The following C12orf42 variants were observed in gnomAD, a reference collection of about 807,000 sequenced individuals.
C12orf42 encodes uncharacterized protein C12orf42.
Under a neutral mutation model 21.6 loss-of-function variants are expected in C12orf42, and 25 were observed. The ratio of observed to expected loss-of-function variants is 1.16; its 90% confidence interval spans 0.84 to 1.62. The LOEUF is 1.62. Among genes scored for constraint, C12orf42 ranks in the 40% most tolerant of loss-of-function variants. The probability of loss-of-function intolerance (pLI) is 0.00; values close to 1 mark genes in which losing one functional copy is unlikely to be tolerated. For synonymous variants in C12orf42, 174 were observed against 175.0 expected (o/e 0.99, Z 0.05); for missense variants, 483 against 459.3 (o/e 1.05, Z -0.47).
the C12orf42 span, among the ~76,000 whole-genome samples, chr12:103,200,699 A>C: frequency 6.6e-6 from 1 of 152,232 alleles, no homozygotes; most frequent in Admixed American, 6.5e-5. Context: ...AAGTATAATT[A>C]GTTTTGTATG....
chr12:103,166,044 AAAAAAGAAAG>A, the C12orf42 span, among the ~76,000 whole-genome samples: 79 of 147,372 alleles, frequency 5.4e-4, no homozygotes, highest in African/African-American at 2.0e-3. Context: ...CGTCTCAAAA[AAAAAAGAAAG>A]AAAAAAGAAA....
the C12orf42 span, among the ~76,000 whole-genome samples, chr12:103,100,374 C>T: frequency 6.6e-6 from 1 of 152,230 alleles, no homozygotes; most frequent in Non-Finnish European, 1.5e-5. Flanking sequence ...GGATGGCGGG[C>T]TCCTGCCGAC....
At chr12:103,246,457 T>C (rs1411642668) in intron 10 of C12orf42, among the ~76,000 whole-genome samples, 1 of 152,056 alleles carries the variant, frequency 6.6e-6, no homozygotes, top group Non-Finnish European at 1.5e-5. Flanking sequence ...TTTGGAAGAA[T>C]ACCAAAATAT....
chr12:103,316,549 T>C (rs2039514884), intron 4 of C12orf42, among the ~76,000 whole-genome samples: 1 of 152,186 alleles, frequency 6.6e-6, no homozygotes, highest in South Asian at 2.1e-4. Context: ...AATCTTTTTT[T>C]GTCTCATTCT....
downstream of C12orf42, chr12:103,268,446 G>A (rs1328327343): frequency 6.6e-6 from 1 of 151,366 alleles, no homozygotes; most frequent in African/African-American, 2.4e-5. Flanking sequence ...ATTTTTCCCC[G>A]ACAGTGACCT....
intron 4 of C12orf42, among the ~76,000 whole-genome samples, chr12:103,363,910 C>T (rs1324526030): frequency 6.6e-6 from 1 of 152,064 alleles, no homozygotes; most frequent in Non-Finnish European, 1.5e-5. Context: ...GATTTCAATA[C>T]TCCACTGACA....
At chr12:103,230,731 G>A in the C12orf42 span, among the ~76,000 whole-genome samples, 2 of 152,040 alleles carry the variant, frequency 1.3e-5, no homozygotes, top group Non-Finnish European at 2.9e-5. Context: ...CTACATAAAT[G>A]TTAGTCTTCT....
chr12:103,105,302 G>A, the C12orf42 span, among the ~76,000 whole-genome samples: 1 of 152,124 alleles, frequency 6.6e-6, no homozygotes, highest in African/African-American at 2.4e-5. Flanking sequence ...GTCCAAAGGA[G>A]ATAATAAAAT....
chr12:103,057,161 G>T, the C12orf42 span, among the ~76,000 whole-genome samples: 3 of 151,836 alleles, frequency 2.0e-5, no homozygotes, highest in Middle Eastern at 3.4e-3. Context: ...GCTGACAAGG[G>T]AAGGGGAGAA....
intron 4 of C12orf42, among the ~76,000 whole-genome samples, chr12:103,307,110 C>A (rs2038423030): frequency 6.6e-6 from 1 of 152,174 alleles, no homozygotes; most frequent in Non-Finnish European, 1.5e-5. Context: ...GAATACATTT[C>A]TGTTTTTTTA....
chr12:103,054,422 C>T, the C12orf42 span, among the ~76,000 whole-genome samples: 1 of 151,726 alleles, frequency 6.6e-6, no homozygotes, highest in Admixed American at 6.6e-5. Flanking sequence ...TAATTTAATG[C>T]TTATTTTATA....
the C12orf42 span, among the ~76,000 whole-genome samples, chr12:103,522,689 A>G: frequency 6.6e-6 from 1 of 152,186 alleles, no homozygotes; most frequent in African/African-American, 2.4e-5. Flanking sequence ...AGAGTCACCA[A>G]CAGGATTGTG....
intron 4 of C12orf42, among the ~76,000 whole-genome samples, chr12:103,281,436 C>G (rs1593274677): frequency 6.6e-6 from 1 of 152,302 alleles, no homozygotes; most frequent in South Asian, 2.1e-4. Flanking sequence ...GGTCTCGGCT[C>G]ACTGCCAGCT....
intron 5 of C12orf42, chr12:103,273,693 A>G (rs2136274288): frequency 5.3e-6 from 2 of 380,834 alleles, no homozygotes; most frequent in East Asian, 1.4e-4. Context: ...GATATAGTAC[A>G]ATTAAATTAC....
downstream of C12orf42, among the ~76,000 whole-genome samples, chr12:103,264,188 T>C (rs2035049417): frequency 6.6e-6 from 1 of 152,096 alleles, no homozygotes; most frequent in African/African-American, 2.4e-5. Context: ...AAGAGCTTAC[T>C]CCTCCACTTA....
chr12:103,066,306 C>A, the C12orf42 span, among the ~76,000 whole-genome samples: 2 of 152,148 alleles, frequency 1.3e-5, no homozygotes, highest in South Asian at 2.1e-4. Flanking sequence ...GTGGTATACA[C>A]GTGACTGGGC....
At chr12:103,425,442 G>T (rs558450108) in intron 2 of C12orf42, among the ~76,000 whole-genome samples, 1 of 152,284 alleles carries the variant, frequency 6.6e-6, no homozygotes, top group African/African-American at 2.4e-5. Context: ...GAGAGCTCCA[G>T]CTGGCATCTG....
Position 103,384,913 on chromosome 12 carries a change from G to A in C12orf42, c.148-15915C>T, listed in dbSNP as rs115278806. On this transcript the variant is annotated intron_variant, in intron 3 of 5. Transcript: ENST00000548883. ...GTCTGAAGTGTCTGAACCACCAGCC[G>A]AATTTTCTTGAGCAAATCATGCAAA... Among the ~76,000 whole-genome samples the A allele has an allele frequency of 3.9e-3, 600 of 152,240 alleles. 8 individuals carry two copies. The highest frequency in any genetic ancestry group is 0.014 in the African/African-American group (580 of 41,544).
intron 3 of C12orf42, among the ~76,000 whole-genome samples, chr12:103,401,151 A>T (rs2047953693): frequency 6.6e-6 from 1 of 152,174 alleles, no homozygotes; most frequent in African/African-American, 2.4e-5. Flanking sequence ...TCTCACCAAG[A>T]AAAAGAGCGT....
Sources: allele counts gnomAD v4.1 joint callset (sites outside exome capture counted in the v4.1 genomes callset), GRCh38; gene constraint gnomAD v4.1.1; transcripts MANE v1.5; gene names NCBI Gene and HGNC (gene_info 2026-07-23, HGNC 2026-07-21).